The following EPB41L5 variants were observed in gnomAD, a reference collection of about 807,000 sequenced individuals.
EPB41L5 encodes band 4.1-like protein 5.
A neutral mutation model predicts 106.6 loss-of-function variants in EPB41L5; 55 were observed. The ratio of observed to expected loss-of-function variants is 0.52; its 90% CI spans 0.42 to 0.65. EPB41L5 has a LOEUF of 0.65. Ranked by LOEUF, EPB41L5 falls within the 30% of genes least tolerant of loss-of-function variation. EPB41L5 has a pLI of 0.00. For synonymous variants in EPB41L5, 297 were observed against 306.7 expected (o/e 0.97, Z 0.33); for missense variants, 871 against 882.1 (o/e 0.99, Z 0.16).
At chr2:120,049,301 C>T (rs188511316) in intron 3 of EPB41L5, among the ~76,000 whole-genome samples, 101 of 152,236 alleles carry the variant, frequency 6.6e-4, no homozygotes, top group Non-Finnish European at 1.2e-3. Context: ...GAGTCTAAGT[C>T]TCTTTGTAGG....
chr2:120,017,023 T>A (rs1388159923), intron 1 of EPB41L5, among the ~76,000 whole-genome samples: 2 of 152,264 alleles, frequency 1.3e-5, no homozygotes, highest in Non-Finnish European at 2.9e-5. Context: ...TGTAGGCTAA[T>A]CTTCAGTGTA....
At chr2:120,166,240 TGTTCCC>T (rs1278396248) in intron 22 of EPB41L5, among the ~76,000 whole-genome samples, 1 of 152,176 alleles carries the variant, frequency 6.6e-6, no homozygotes, top group Non-Finnish European at 1.5e-5. Flanking sequence ...GTTTCTAACA[TGTTCCC>T]AGGTGGTGCA....
chr2:120,075,359 T>C (rs755529512), intron 5 of EPB41L5, 117 bp from the exon 6 acceptor site: 15 of 760,432 alleles, frequency 2.0e-5, no homozygotes, highest in Admixed American at 8.3e-5. Flanking sequence ...GCACATCTTT[T>C]ATACATTAAT....
chr2:120,022,615 C>T (rs1678015267), intron 2 of EPB41L5, among the ~76,000 whole-genome samples: 1 of 152,124 alleles, frequency 6.6e-6, no homozygotes, highest in African/African-American at 2.4e-5. Context: ...CAAGTCTTTG[C>T]TATTGTGAAT....
At chr2:120,101,094 T>C (rs1007487223) in intron 16 of EPB41L5, among the ~76,000 whole-genome samples, 2 of 152,224 alleles carry the variant, frequency 1.3e-5, no homozygotes, top group Admixed American at 6.5e-5. Context: ...TCTGCCCTTA[T>C]TAGCTTGATG....
chr2:120,157,359 T>C (rs1686945769), intron 20 of EPB41L5, among the ~76,000 whole-genome samples: 1 of 151,068 alleles, frequency 6.6e-6, no homozygotes. Context: ...TTTAACAACC[T>C]AATATCACAA....
chr2:120,067,151 C>T (rs1041184609), intron 3 of EPB41L5, among the ~76,000 whole-genome samples: 27 of 152,296 alleles, frequency 1.8e-4, no homozygotes, highest in African/African-American at 5.1e-4. Context: ...CAGTAGCCCG[C>T]GCACTTGAAA....
chr2:120,021,340 A>G (rs1465325402), intron 2 of EPB41L5, among the ~76,000 whole-genome samples: 2 of 150,752 alleles, frequency 1.3e-5, no homozygotes, highest in East Asian at 2.0e-4. Context: ...TCCGTCTCAA[A>G]AAAAAAGAAA....
chr2:120,072,480 CAT>C (rs1174971919), intron 3 of EPB41L5, among the ~76,000 whole-genome samples: 1 of 152,162 alleles, frequency 6.6e-6, no homozygotes, highest in African/African-American at 2.4e-5. Context: ...CACATGCACA[CAT>C]ATGTTTATTG....
intron 3 of EPB41L5, among the ~76,000 whole-genome samples, chr2:120,058,331 G>A (rs1680799557): frequency 6.6e-6 from 1 of 152,046 alleles, no homozygotes; most frequent in Non-Finnish European, 1.5e-5. Context: ...GACTACAGGT[G>A]TGCACCACCA....
chr2:120,073,988 T>G (rs1682056640), intron 4 of EPB41L5, 112 bp from the exon 5 acceptor site: 3 of 778,826 alleles, frequency 3.9e-6, no homozygotes, highest in Non-Finnish European at 6.2e-6. Context: ...AATAATGCCA[T>G]AAAAACCTCA....
intron 3 of EPB41L5, among the ~76,000 whole-genome samples, chr2:120,049,044 T>C (rs1680027767): frequency 6.6e-6 from 1 of 152,212 alleles, no homozygotes; most frequent in Admixed American, 6.5e-5. Flanking sequence ...TTATAATTTC[T>C]ATTCCTTTAC....
intron 23 of EPB41L5, 64 bp downstream of exon 23, chr2:120,167,571 A>T: frequency 2.7e-6 from 4 of 1,505,294 alleles, no homozygotes; most frequent in Non-Finnish European, 3.7e-6. Context: ...CTAAAGGATT[A>T]CTAGGTTCTT....
chr2:120,091,950 G>A (rs1683439837), intron 13 of EPB41L5, among the ~76,000 whole-genome samples: 1 of 151,914 alleles, frequency 6.6e-6, no homozygotes, highest in Non-Finnish European at 1.5e-5. Flanking sequence ...CTCCCTTTTT[G>A]ACTTACAGAT....
chr2:120,171,677 A>G (rs1278422856), intron 24 of EPB41L5, among the ~76,000 whole-genome samples: 2 of 152,266 alleles, frequency 1.3e-5, no homozygotes, highest in African/African-American at 4.8e-5. Context: ...AGGCCTGCAC[A>G]TACATTTTTG....
At chr2:120,072,896 G>A (rs986718752) in intron 3 of EPB41L5, among the ~76,000 whole-genome samples, 5 of 150,444 alleles carry the variant, frequency 3.3e-5, no homozygotes, top group African/African-American at 7.3e-5. Flanking sequence ...AAACCTGCAC[G>A]TTCTGCACAT....
intron 3 of EPB41L5, among the ~76,000 whole-genome samples, chr2:120,053,735 A>G (rs1558829444): frequency 6.6e-6 from 1 of 152,104 alleles, no homozygotes; most frequent in East Asian, 1.9e-4. Flanking sequence ...CCATTGATGG[A>G]CATTTGGAGT....
chr2:120,121,302 C>G, intron 16 of EPB41L5, among the ~76,000 whole-genome samples: 1 of 152,146 alleles, frequency 6.6e-6, no homozygotes, highest in East Asian at 1.9e-4. Context: ...TTGCTGCACC[C>G]ATCAACACAT....
At chr2:120,090,567 A>C (rs544478895) in intron 12 of EPB41L5, 51 bp downstream of exon 12, 1 of 1,502,482 alleles carries the variant, frequency 6.7e-7, no homozygotes, top group Non-Finnish European at 9.0e-7. Context: ...CAGGCCAAAA[A>C]ATTTAGGCCA....
Sources: gnomAD v4.1 joint callset for allele counts (sites outside exome capture counted in the v4.1 genomes callset) on GRCh38, gnomAD v4.1.1 for gene constraint, MANE v1.5 for transcripts, NCBI Gene and HGNC (gene_info 2026-07-23, HGNC 2026-07-21) for gene names.